The following LRRC7 variants were observed in gnomAD, a reference collection of about 807,000 sequenced individuals.
The protein encoded by LRRC7 is leucine-rich repeat-containing protein 7.
In LRRC7, 23 loss-of-function variants were observed where a neutral mutation model predicts 175.7. That is an observed-to-expected ratio of 0.13 (90% CI 0.09 to 0.19). The LOEUF is 0.19. Among genes scored for constraint, LRRC7 ranks in the 10% least tolerant of loss-of-function variants. The probability of loss-of-function intolerance (pLI) is 1.00; values close to 1 mark genes in which losing one functional copy is unlikely to be tolerated. For missense variants in LRRC7, 1,354 were observed against 1,904.7 expected, an observed-to-expected ratio of 0.71 and a Z score of 5.38; for synonymous variants, 685 against 680.9, an observed-to-expected ratio of 1.01 and a Z score of -0.09.
intron 26 of LRRC7, among the ~76,000 whole-genome samples, chr1:70,108,392 A>G (rs917412319): frequency 1.3e-5 from 2 of 152,184 alleles, no homozygotes; most frequent in Admixed American, 1.3e-4. Flanking sequence ...GTTCACCCCA[A>G]TAAACAATTA....
intron 3 of LRRC7, among the ~76,000 whole-genome samples, chr1:69,782,535 G>A (rs1673885093): frequency 6.6e-6 from 1 of 152,176 alleles, no homozygotes; most frequent in South Asian, 2.1e-4. Context: ...GAGTACACAG[G>A]TGCAGAAACA....
At chr1:69,857,451 A>C (rs1483862195) in intron 7 of LRRC7, among the ~76,000 whole-genome samples, 2 of 152,102 alleles carry the variant, frequency 1.3e-5, no homozygotes, top group African/African-American at 2.4e-5. Flanking sequence ...AAAATCACAA[A>C]CATTCTTATA....
chr1:70,115,568 AATTT>A (rs1391501219), intron 26 of LRRC7, among the ~76,000 whole-genome samples: 4 of 152,092 alleles, frequency 2.6e-5, no homozygotes, highest in Admixed American at 6.5e-5. Context: ...TACATTTTCT[AATTT>A]ATTTATTTAC....
chr1:69,722,184 G>A (rs969979033), intron 2 of LRRC7, among the ~76,000 whole-genome samples: 9 of 151,730 alleles, frequency 5.9e-5, no homozygotes, highest in South Asian at 2.1e-4. Context: ...ATTGTAGCAC[G>A]TTTAGACACT....
At chr1:70,077,439 A>G (rs1662867288) in intron 24 of LRRC7, among the ~76,000 whole-genome samples, 1 of 152,200 alleles carries the variant, frequency 6.6e-6, no homozygotes, top group Non-Finnish European at 1.5e-5. Context: ...AAAAGTTAAT[A>G]CAATTTTAAA....
chr1:69,938,792 G>A (rs559051877), intron 8 of LRRC7, among the ~76,000 whole-genome samples: 9 of 151,520 alleles, frequency 5.9e-5, no homozygotes, highest in Non-Finnish European at 7.4e-5. Flanking sequence ...TTCCTTATAA[G>A]CAATTACAGC....
chr1:69,622,757 G>A (rs936347704), intron 1 of LRRC7, among the ~76,000 whole-genome samples: 1 of 152,138 alleles, frequency 6.6e-6, no homozygotes. Flanking sequence ...TCCAAGGAGA[G>A]GAGAGATCTT....
chr1:69,612,259 A>G (rs924787881), intron 1 of LRRC7, among the ~76,000 whole-genome samples: 4 of 152,094 alleles, frequency 2.6e-5, no homozygotes, highest in African/African-American at 7.2e-5. Context: ...TAATGCTACT[A>G]TATCAAAACT....
intron 7 of LRRC7, among the ~76,000 whole-genome samples, chr1:69,862,312 T>C (rs1336752407): frequency 6.6e-6 from 1 of 152,154 alleles, no homozygotes; most frequent in East Asian, 1.9e-4. Context: ...TATAGATTAT[T>C]AGGATGAGCA....
chr1:69,627,671 T>A (rs1035960974), intron 1 of LRRC7, among the ~76,000 whole-genome samples: 1 of 152,106 alleles, frequency 6.6e-6, no homozygotes, highest in Admixed American at 6.6e-5. Context: ...CTGAATGGTA[T>A]TGCCTAGGTT....
Position 69,712,671 on chromosome 1 carries a change from A to G in LRRC7, c.100+34193A>G, listed in dbSNP as rs541120993. ...CTAGTATTCTGGTCTCTATTATAAC[A>G]AAAAGTTATTTTTATTTTTTCTTTC... On this transcript the variant is annotated intron_variant, in intron 2 of 26. Coordinates refer to ENST00000651989, the MANE Select transcript of LRRC7 (RefSeq NM_001370785.2). Among the ~76,000 whole-genome samples, 31 of 152,296 alleles carry G rather than the reference A, an allele frequency of 2.0e-4. No individual in the cohort carries two copies. The East Asian group carries it at 3.3e-3, about 16-fold the overall frequency.
intron 1 of LRRC7, among the ~76,000 whole-genome samples, chr1:69,608,856 CTCTCTCTCTCTATATATATATATA>C (rs1413659457): frequency 0.013 from 381 of 29,126 alleles, 1 homozygote; most frequent in East Asian, 0.022. Context: ...CTCTCTCTCT[CTCTCTCTCTCTATATATATATATA>C]TATATATATA....
At chr1:69,615,517 C>T (rs1455384614) in intron 1 of LRRC7, among the ~76,000 whole-genome samples, 3 of 151,930 alleles carry the variant, frequency 2.0e-5, no homozygotes, top group African/African-American at 7.2e-5. Flanking sequence ...TCAATCAATG[C>T]CAACAGCTTT....
At chr1:69,751,934 C>G (rs1669887393) in intron 2 of LRRC7, among the ~76,000 whole-genome samples, 1 of 152,112 alleles carries the variant, frequency 6.6e-6, no homozygotes, top group Non-Finnish European at 1.5e-5. Flanking sequence ...GTCCCAAGAA[C>G]AGTCCATTGA....
intron 8 of LRRC7, among the ~76,000 whole-genome samples, chr1:69,954,121 A>G (rs768999717): frequency 3.9e-5 from 6 of 151,978 alleles, no homozygotes; most frequent in Non-Finnish European, 8.8e-5. Context: ...GGGGTAATGA[A>G]GATAAGCTTT....
chr1:69,929,481 C>T (rs943391203), intron 7 of LRRC7, among the ~76,000 whole-genome samples: 1 of 152,168 alleles, frequency 6.6e-6, no homozygotes, highest in Non-Finnish European at 1.5e-5. Flanking sequence ...GCTCTCATTC[C>T]CCACAGCTGA....
chr1:69,763,584 C>G (rs1390987485), intron 3 of LRRC7, among the ~76,000 whole-genome samples: 1 of 151,750 alleles, frequency 6.6e-6, no homozygotes, highest in East Asian at 1.9e-4. Context: ...GGTAGCAGTA[C>G]AAGGGGAAGG....
intron 7 of LRRC7, among the ~76,000 whole-genome samples, chr1:69,927,625 C>G (rs1011543926): frequency 6.6e-6 from 1 of 152,192 alleles, no homozygotes; most frequent in Non-Finnish European, 1.5e-5. Context: ...CTGCATTCTT[C>G]ACGTAGTTCT....
intron 8 of LRRC7, among the ~76,000 whole-genome samples, chr1:69,966,867 G>C (rs1468740537): frequency 2.0e-5 from 3 of 152,246 alleles, no homozygotes. Context: ...AAGCAGGGCT[G>C]CCAGAGGCAC....
Sources: allele counts gnomAD v4.1 joint callset (sites outside exome capture counted in the v4.1 genomes callset), GRCh38; gene constraint gnomAD v4.1.1; transcripts MANE v1.5; gene names NCBI Gene and HGNC (gene_info 2026-07-23, HGNC 2026-07-21).